Variants in HDAC9 observed in about 807,000 individuals in gnomAD.
HDAC9 encodes the protein MEF-2 interacting transcription repressor (MITR) protein.
HDAC9 carries 41 observed loss-of-function variants against 139.4 expected under a neutral mutation model. The observed-to-expected ratio is 0.29, with a 90% confidence interval of 0.23 to 0.38. The LOEUF is 0.38. HDAC9 is among the 10% of genes least tolerant of loss of function. The pLI, the probability that HDAC9 is intolerant of heterozygous loss-of-function variation, is 1.00. For synonymous variants in HDAC9, 517 were observed against 476.2 expected (o/e 1.09, Z -1.12); for missense variants, 1,147 against 1,297.0 (o/e 0.88, Z 1.78).
At chr7:18,272,781 C>A (rs1027879695) in intron 2 of HDAC9, among the ~76,000 whole-genome samples, 1 of 151,916 alleles carries the variant, frequency 6.6e-6, no homozygotes, top group East Asian at 1.9e-4. Context: ...AAGACCTTAA[C>A]AAATTTTTAA....
At chr7:18,149,560 T>A (rs1285790488) in intron 1 of HDAC9, among the ~76,000 whole-genome samples, 2 of 149,806 alleles carry the variant, frequency 1.3e-5, no homozygotes, top group Non-Finnish European at 3.0e-5. Flanking sequence ...TTTATTATTA[T>A]TTTTTTTTGA....
rs112725040 is a variant in HDAC9 at position 18,593,814 on chromosome 7, T to A, written c.543-94T>A. 3 of 1,331,980 alleles carry A rather than the reference T, an allele frequency of 2.3e-6. No individual in the cohort carries two copies. In the African/African-American group the frequency reaches 4.4e-5, roughly 19 times the overall value. 82.5% of individuals were successfully genotyped at this position (1,331,980 alleles called of 1,614,324 possible). A position where few individuals can be genotyped will look rare whatever the true frequency, so the allele number is the denominator to read the frequency against. ...TAAGGAGAAAGAGCATAAACATAGCTGAGGCACGTGTACAGCGTGTGCAGC... is the reference window on the plus strand; with the variant it reads ...TAAGGAGAAAGAGCATAAACATAGCAGAGGCACGTGTACAGCGTGTGCAGC... On this transcript the variant is annotated intron_variant, in intron 5 of 25. Transcript: ENST00000686413.
At chr7:18,925,851 A>G (rs1214087692) in intron 22 of HDAC9, among the ~76,000 whole-genome samples, 1 of 151,946 alleles carries the variant, frequency 6.6e-6, no homozygotes, top group African/African-American at 2.4e-5. Context: ...AAAGGATACT[A>G]GATATTCTAT....
intron 1 of HDAC9, among the ~76,000 whole-genome samples, chr7:18,123,337 C>T (rs546674125): frequency 7.0e-4 from 107 of 152,212 alleles, no homozygotes; most frequent in African/African-American, 2.3e-3. Context: ...TAATTATAAA[C>T]AAATATGTAA....
chr7:18,901,189 G>GTATATATACTATATATACA (rs1347891874), intron 22 of HDAC9, among the ~76,000 whole-genome samples: 6 of 142,328 alleles, frequency 4.2e-5, no homozygotes, highest in Non-Finnish European at 9.1e-5. Context: ...TTCTCTCTCT[G>GTATATATACTATATATACA]TATATATACT....
intron 1 of HDAC9, among the ~76,000 whole-genome samples, chr7:18,325,840 A>T (rs949428880): frequency 2.0e-5 from 3 of 152,134 alleles, no homozygotes; most frequent in Non-Finnish European, 2.9e-5. Flanking sequence ...TGCCTCCAGT[A>T]TTCAGAACAG....
chr7:18,849,630 A>C (rs907662374), intron 21 of HDAC9, among the ~76,000 whole-genome samples: 1 of 152,198 alleles, frequency 6.6e-6, no homozygotes, highest in African/African-American at 2.4e-5. Context: ...AATTGGTTTT[A>C]TAGGTAAATC....
chr7:18,176,246 C>G (rs1179453486), intron 2 of HDAC9, among the ~76,000 whole-genome samples: 3 of 152,062 alleles, frequency 2.0e-5, no homozygotes, highest in Non-Finnish European at 4.4e-5. Flanking sequence ...GATTTCCTTC[C>G]CTGTGTTTTT....
At chr7:18,487,163 G>T (rs1358840082) in intron 1 of HDAC9, among the ~76,000 whole-genome samples, 3 of 151,940 alleles carry the variant, frequency 2.0e-5, no homozygotes, top group Non-Finnish European at 4.4e-5. Context: ...TAAAATAAAG[G>T]CATTGAAAAG....
intron 2 of HDAC9, among the ~76,000 whole-genome samples, chr7:18,260,342 TG>T (rs1163043865): frequency 7.5e-6 from 1 of 132,838 alleles, no homozygotes; most frequent in East Asian, 2.3e-4. Context: ...TTTTTTGAGA[TG>T]GAGTGAACTC....
At chr7:18,220,376 T>C (rs1433649391) in intron 2 of HDAC9, among the ~76,000 whole-genome samples, 1 of 152,132 alleles carries the variant, frequency 6.6e-6, no homozygotes, top group Non-Finnish European at 1.5e-5. Flanking sequence ...AAGCAAGCAA[T>C]AGACTAGCAG....
intron 24 of HDAC9, among the ~76,000 whole-genome samples, chr7:18,969,118 A>G (rs914669358): frequency 6.6e-6 from 1 of 151,970 alleles, no homozygotes; most frequent in African/African-American, 2.4e-5. Flanking sequence ...GAGTTTCCTT[A>G]ATGTTTCATT....
At chr7:18,403,644 C>G (rs1787746415) in intron 1 of HDAC9, among the ~76,000 whole-genome samples, 1 of 152,034 alleles carries the variant, frequency 6.6e-6, no homozygotes, top group Non-Finnish European at 1.5e-5. Flanking sequence ...TAAATGAACC[C>G]TAGGTAGGCT....
chr7:18,371,916 T>G (rs1784622951), intron 1 of HDAC9, among the ~76,000 whole-genome samples: 1 of 152,154 alleles, frequency 6.6e-6, no homozygotes, highest in Non-Finnish European at 1.5e-5. Context: ...AGATGGAAGT[T>G]TTGGTGCTCT....
At chr7:18,834,338 T>C (rs1185780038) in intron 19 of HDAC9, among the ~76,000 whole-genome samples, 1 of 152,090 alleles carries the variant, frequency 6.6e-6, no homozygotes, top group African/African-American at 2.4e-5. Context: ...GTGGCTCTTT[T>C]TTTTTTGGTC....
At chr7:18,801,832 G>C (rs1793318128) in intron 17 of HDAC9, among the ~76,000 whole-genome samples, 1 of 151,820 alleles carries the variant, frequency 6.6e-6, no homozygotes. Context: ...TTACATATTG[G>C]AGCCAAATTT....
chr7:18,824,512 C>G (rs917802611), intron 17 of HDAC9, among the ~76,000 whole-genome samples: 2 of 152,080 alleles, frequency 1.3e-5, no homozygotes, highest in East Asian at 3.9e-4. Context: ...GCAGATGAAG[C>G]TATAACTGGA....
At position 18,999,839 on chromosome 7, in the gene HDAC9, AAAG is replaced by A; in HGVS notation, c.*3781_*3783del. ...TGTTTACTCTCATCTTATCTCAATG[AAAG>A]AAGTATTAAAAGTCTTATGGCCCCA... On this transcript the variant is annotated 3_prime_UTR_variant, in exon 26 of 26. Coordinates refer to ENST00000686413, the MANE Select transcript of HDAC9 (RefSeq NM_178425.4). 1 of 152,320 alleles carries A rather than the reference AAAG, an allele frequency of 6.6e-6. No individual in the cohort carries two copies. Among genetic ancestry groups the A allele is most frequent in the South Asian group, 2.1e-4 (1 of 4,824 alleles). The allele number at this position is 152,320 out of a possible 1,614,324, so 9.4% of individuals were successfully genotyped here.
At chr7:18,725,688 G>A (rs1785490352) in intron 12 of HDAC9, among the ~76,000 whole-genome samples, 1 of 152,134 alleles carries the variant, frequency 6.6e-6, no homozygotes, top group South Asian at 2.1e-4. Flanking sequence ...CCCAGGAATT[G>A]TAGATCATAT....
Sources: gnomAD v4.1 joint callset for allele counts (sites outside exome capture counted in the v4.1 genomes callset) on GRCh38, gnomAD v4.1.1 for gene constraint, MANE v1.5 for transcripts, NCBI Gene and HGNC (gene_info 2026-07-23, HGNC 2026-07-21) for gene names.